The following NIPAL2 variants were observed in gnomAD, a reference collection of about 807,000 sequenced individuals.
NIPAL2 encodes the protein NIPA-like protein 2.
NIPAL2 carries 43 observed loss-of-function variants against 48.9 expected under a neutral mutation model. That is an observed-to-expected ratio of 0.88 (90% CI 0.69 to 1.13). NIPAL2 has a LOEUF of 1.13. Ranked by LOEUF, NIPAL2 falls within the 50% of genes most tolerant of loss-of-function variation. The probability of loss-of-function intolerance (pLI) is 0.00; values close to 1 mark genes in which losing one functional copy is unlikely to be tolerated. For synonymous variants in NIPAL2, 167 were observed against 174.6 expected, an observed-to-expected ratio of 0.96 and a Z score of 0.34; for missense variants, 446 against 461.4, an observed-to-expected ratio of 0.97 and a Z score of 0.31.
chr8:98,230,386 A>T (rs545544283), intron 4 of NIPAL2, among the ~76,000 whole-genome samples: 27 of 152,316 alleles, frequency 1.8e-4, no homozygotes, highest in African/African-American at 6.0e-4. Flanking sequence ...CAGTTTCATA[A>T]GGTAGATGCT....
intron 1 of NIPAL2, among the ~76,000 whole-genome samples, chr8:98,276,241 C>T (rs569281784): frequency 6.6e-6 from 1 of 152,254 alleles, no homozygotes; most frequent in East Asian, 1.9e-4. Context: ...TCTGTGCTTG[C>T]CTATTCATCC....
intron 1 of NIPAL2, among the ~76,000 whole-genome samples, chr8:98,279,816 G>A (rs968943508): frequency 6.6e-6 from 1 of 152,180 alleles, no homozygotes; most frequent in African/African-American, 2.4e-5. Context: ...GTTATAAGTA[G>A]AGGCCAAAAC....
intron 1 of NIPAL2, among the ~76,000 whole-genome samples, chr8:98,293,755 C>T (rs1816613894): frequency 6.6e-6 from 1 of 152,230 alleles, no homozygotes; most frequent in Non-Finnish European, 1.5e-5. Context: ...GAGGTCAAGG[C>T]CGAAGACCTG....
rs960593445 is a variant in NIPAL2 at position 98,189,908 on chromosome 8, C to T, written c.*3070G>A. The T allele has an allele frequency of 1.3e-5, 2 of 152,278 alleles. No homozygotes were observed. The highest frequency in any genetic ancestry group is 3.9e-4 in the East Asian group (2 of 5,180). The allele number at this position is 152,278 out of a possible 1,614,324, so 9.4% of individuals were successfully genotyped here. On this transcript the variant is annotated 3_prime_UTR_variant, in exon 11 of 11. Transcript: ENST00000430223. ...GTATTACAGTTACAGGGCAAGCAAA[C>T]ATTTAAGCCAAAAAACAATCATATG...
At chr8:98,245,615 T>C (rs147227045) in intron 3 of NIPAL2, among the ~76,000 whole-genome samples, 1 of 152,242 alleles carries the variant, frequency 6.6e-6, no homozygotes, top group Non-Finnish European at 1.5e-5. Context: ...ATGTTAAAGT[T>C]GAAAAGACTC....
chr8:98,232,585 ATAT>A (rs1377047631), intron 4 of NIPAL2, among the ~76,000 whole-genome samples: 1 of 152,212 alleles, frequency 6.6e-6, no homozygotes, highest in African/African-American at 2.4e-5. Flanking sequence ...GAGGTATGTA[ATAT>A]TATCTTTATT....
intron 3 of NIPAL2, among the ~76,000 whole-genome samples, chr8:98,249,684 A>T (rs1172989675): frequency 6.8e-6 from 1 of 147,456 alleles, no homozygotes; most frequent in East Asian, 1.9e-4. Flanking sequence ...TATATTAAAG[A>T]TAATCAATAT....
At position 98,207,638 on chromosome 8, in the gene NIPAL2, G is replaced by A. The variant is rs565296130; in HGVS notation, c.656-2392C>T. Among the ~76,000 whole-genome samples the A allele has an allele frequency of 1.6e-3, 247 of 151,952 alleles. 1 individual carries two copies. The highest frequency in any genetic ancestry group is 5.8e-3 in the African/African-American group (241 of 41,456). On this transcript the variant is annotated intron_variant, in intron 6 of 10. Transcript: ENST00000430223. Reference sequence around the variant, plus strand: ...AAACATATTCATTTAAAAATTTTTGGAAAATGTGGGAAAGCCTGGAAAGGA... The same window carrying A: ...AAACATATTCATTTAAAAATTTTTGAAAAATGTGGGAAAGCCTGGAAAGGA...
intron 8 of NIPAL2, 112 bp downstream of exon 8, chr8:98,202,996 G>A (rs1810874505): frequency 2.5e-6 from 2 of 788,470 alleles, no homozygotes; most frequent in Admixed American, 2.3e-5. Flanking sequence ...CAGACACCAG[G>A]TGGAGGCAAC....
Position 98,220,041 on chromosome 8 carries a change from A to ATT in NIPAL2, c.558+2436_558+2437dup, listed in dbSNP as rs1361912486. 4.7e-4 allele frequency among the ~76,000 whole-genome samples: 70 copies of ATT among 147,844 alleles called. 1 individual carries two copies. The South Asian group carries it at 0.013, about 28-fold the overall frequency. ...TTAAAGGGGTGTGTAGTGTATGAGA[A>ATT]TTTTTTTTTTTTTAAACAGAGAAAC... is the stretch of plus-strand genomic sequence containing the variant. On this transcript the variant is annotated intron_variant, in intron 5 of 10. Transcript: ENST00000430223.
At chr8:98,290,805 C>T (rs982487959) in intron 1 of NIPAL2, among the ~76,000 whole-genome samples, 1 of 152,116 alleles carries the variant, frequency 6.6e-6, no homozygotes, top group Non-Finnish European at 1.5e-5. Context: ...AGAGCTGCAG[C>T]GGGGAGCACA....
chr8:98,269,953 T>C (rs1203398325), intron 1 of NIPAL2, among the ~76,000 whole-genome samples: 8 of 152,230 alleles, frequency 5.3e-5, no homozygotes, highest in Non-Finnish European at 1.2e-4. Context: ...TTTCTGTTTC[T>C]GTGTTAATTT....
chr8:98,243,617 G>C (rs1034650373), intron 3 of NIPAL2, among the ~76,000 whole-genome samples: 1 of 152,224 alleles, frequency 6.6e-6, no homozygotes, highest in Non-Finnish European at 1.5e-5. Flanking sequence ...GGCCACAAGA[G>C]AGAAAAAGCC....
chr8:98,230,309 C>A (rs1173642339), intron 4 of NIPAL2, among the ~76,000 whole-genome samples: 4 of 152,134 alleles, frequency 2.6e-5, no homozygotes, highest in Non-Finnish European at 4.4e-5. Flanking sequence ...CTTGACTGGT[C>A]TCAGGTTATT....
intron 5 of NIPAL2, among the ~76,000 whole-genome samples, chr8:98,220,139 A>G (rs1458113599): frequency 1.3e-5 from 2 of 152,132 alleles, no homozygotes; most frequent in Non-Finnish European, 2.9e-5. Flanking sequence ...AAGATCTGTA[A>G]GTATTTGTGT....
At chr8:98,286,907 G>A (rs1050701115) in intron 1 of NIPAL2, among the ~76,000 whole-genome samples, 1 of 151,948 alleles carries the variant, frequency 6.6e-6, no homozygotes, top group Non-Finnish European at 1.5e-5. Context: ...TGTGTAGTGT[G>A]TACATCCTGA....
intron 5 of NIPAL2, among the ~76,000 whole-genome samples, chr8:98,214,019 T>C (rs1443626653): frequency 3.3e-5 from 5 of 152,154 alleles, no homozygotes; most frequent in Non-Finnish European, 1.5e-5. Context: ...AAATCACACC[T>C]CAAATTTATT....
At chr8:98,289,327 C>G (rs898438052) in intron 1 of NIPAL2, among the ~76,000 whole-genome samples, 2 of 152,160 alleles carry the variant, frequency 1.3e-5, no homozygotes, top group African/African-American at 2.4e-5. Flanking sequence ...TAGCATGACT[C>G]AAGCCATAAG....
chr8:98,230,884 A>G (rs1352969695), intron 4 of NIPAL2, among the ~76,000 whole-genome samples: 1 of 152,166 alleles, frequency 6.6e-6, no homozygotes, highest in African/African-American at 2.4e-5. Flanking sequence ...GAAATCTTGA[A>G]TTTTGTCCAC....
Sources: allele counts gnomAD v4.1 joint callset (sites outside exome capture counted in the v4.1 genomes callset), GRCh38; gene constraint gnomAD v4.1.1; transcripts MANE v1.5; gene names NCBI Gene and HGNC (gene_info 2026-07-23, HGNC 2026-07-21).